ADTRP: variants seen among roughly 807,000 people sequenced by gnomAD.
The protein encoded by ADTRP is androgen dependent TFPI regulating protein.
A neutral mutation model predicts 27.0 loss-of-function variants in ADTRP; 20 were observed. That is an observed-to-expected ratio of 0.74 (90% CI 0.52 to 1.08). The LOEUF is 1.08. Among genes scored for constraint, ADTRP ranks in the 50% least tolerant of loss-of-function variants. ADTRP has a pLI of 0.00. For synonymous variants in ADTRP, 101 were observed against 105.2 expected (o/e 0.96, Z 0.25); for missense variants, 251 against 275.0 (o/e 0.91, Z 0.62).
intron 3 of ADTRP, among the ~76,000 whole-genome samples, chr6:11,742,829 C>A (rs1433193334): frequency 6.6e-6 from 1 of 152,190 alleles, no homozygotes; most frequent in Non-Finnish European, 1.5e-5. Flanking sequence ...TACAGGAACT[C>A]CAGAAGTACC....
rs1280670341 is a variant in ADTRP, at chr6:11,768,318, TC to T, written c.218del (p.Gly73GlufsTer7). ...LDDVLKRTKG[G>X]KDIKFLTAFR... ...AGGCAGTTAGGAACTTAATGTCTTT[TC>T]CCCCTTTGGTTCTTTTCAGCACATC... On this transcript the variant is annotated frameshift_variant, in exon 2 of 6. Coordinates refer to ENST00000414691, the MANE Select transcript of ADTRP (RefSeq NM_032744.4). LOFTEE classifies it high-confidence loss of function. The T allele has an allele frequency of 5.6e-6, 9 of 1,614,186 alleles. No individual in the cohort carries two copies. Among genetic ancestry groups the T allele is most frequent in the Non-Finnish European group, 7.6e-6 (9 of 1,180,032 alleles).
chr6:11,720,620 C>T (rs555201060), intron 5 of ADTRP, among the ~76,000 whole-genome samples: 13 of 152,142 alleles, frequency 8.5e-5, no homozygotes, highest in South Asian at 2.1e-4. Context: ...TACAGGCGCC[C>T]GCCACCACAC....
At chr6:11,752,500 A>G (rs780580163) in intron 3 of ADTRP, among the ~76,000 whole-genome samples, 7 of 152,170 alleles carry the variant, frequency 4.6e-5, no homozygotes, top group Non-Finnish European at 1.0e-4. Flanking sequence ...AAGGCTTAGG[A>G]AGCTGTTGAA....
intron 3 of ADTRP, among the ~76,000 whole-genome samples, chr6:11,751,058 C>T (rs1200082943): frequency 2.6e-5 from 4 of 152,152 alleles, no homozygotes; most frequent in Non-Finnish European, 5.9e-5. Flanking sequence ...GCCATGTTGC[C>T]CAGGCTGGTC....
rs1284021096 is a variant in ADTRP, at chr6:11,742,595, A to G, written c.391-6912T>C. Among the ~76,000 whole-genome samples, 5 of 152,174 alleles carry G rather than the reference A, an allele frequency of 3.3e-5. No homozygotes were observed. The South Asian group carries it at 8.3e-4, about 25-fold the overall frequency. ...TCAGAGAAATTAAAGTTTTCCCCCT[A>G]GGCATTAGGCCTGAAAGAAATTACT... On this transcript the variant is annotated intron_variant, in intron 3 of 5. Transcript: ENST00000414691.
chr6:11,724,347 A>C (rs1762120949), intron 4 of ADTRP, among the ~76,000 whole-genome samples: 1 of 152,178 alleles, frequency 6.6e-6, no homozygotes, highest in African/African-American at 2.4e-5. Context: ...CTAGGATTTA[A>C]CTGTCGGCCC....
chr6:11,723,316 G>A (rs56251908), intron 5 of ADTRP, 33 bp downstream of exon 5: 19,047 of 1,609,150 alleles, frequency 0.012, 172 homozygotes, highest in Non-Finnish European at 0.013. Context: ...CACGGAAGAA[G>A]CGCATCTGTA....
At chr6:11,776,324 A>G (rs1181612784) in intron 1 of ADTRP, among the ~76,000 whole-genome samples, 1 of 152,200 alleles carries the variant, frequency 6.6e-6, no homozygotes, top group African/African-American at 2.4e-5. Flanking sequence ...ACGTCAACGT[A>G]CCAAGTCGCA....
At chr6:11,719,378 G>T (rs570706795) in intron 5 of ADTRP, among the ~76,000 whole-genome samples, 1 of 152,314 alleles carries the variant, frequency 6.6e-6, no homozygotes, top group South Asian at 2.1e-4. Context: ...GCGTTGCTCT[G>T]TAACAGCGGT....
intron 3 of ADTRP, among the ~76,000 whole-genome samples, chr6:11,752,632 A>T (rs1372691047): frequency 1.3e-5 from 2 of 152,206 alleles, no homozygotes; most frequent in African/African-American, 2.4e-5. Flanking sequence ...GATCTCAGCT[A>T]CTCGCAGGAT....
rs1581333199 is a variant in ADTRP, at chr6:11,739,543, T to C, written c.391-3860A>G. 4.0e-5 allele frequency among the ~76,000 whole-genome samples: 6 copies of C among 151,766 alleles called. No individual in the cohort carries two copies. The South Asian group carries it at 1.3e-3, about 32-fold the overall frequency. On this transcript the variant is annotated intron_variant, in intron 3 of 5. Coordinates refer to ENST00000414691, the MANE Select transcript of ADTRP (RefSeq NM_032744.4). The stretch of plus-strand genomic sequence containing the variant: ...AGTATTGATTTAAGTATTAGTGTAA[T>C]AATCACAGTAGATTCTCTGCTTACA...
intron 4 of ADTRP, among the ~76,000 whole-genome samples, chr6:11,730,007 T>A (rs1762334585): frequency 6.6e-6 from 1 of 152,230 alleles, no homozygotes; most frequent in Non-Finnish European, 1.5e-5. Flanking sequence ...CATTTCTGAT[T>A]CTACAGTTTT....
intron 4 of ADTRP, among the ~76,000 whole-genome samples, chr6:11,731,754 TTG>T (rs1159913445): frequency 7.5e-6 from 1 of 132,728 alleles, no homozygotes; most frequent in Non-Finnish European, 1.8e-5. Flanking sequence ...CTGTGGCTCC[TTG>T]TGTTTTTTTT....
intron 5 of ADTRP, among the ~76,000 whole-genome samples, chr6:11,719,543 C>G (rs1761944411): frequency 6.6e-6 from 1 of 152,086 alleles, no homozygotes; most frequent in Non-Finnish European, 1.5e-5. Context: ...TGTAAAAAGC[C>G]AAGGTGGAGA....
intron 3 of ADTRP, among the ~76,000 whole-genome samples, chr6:11,751,272 A>G (rs1348829587): frequency 6.6e-6 from 1 of 152,200 alleles, no homozygotes; most frequent in Non-Finnish European, 1.5e-5. Context: ...CCTTTTCACT[A>G]TGTTGTCTCC....
Position 11,765,319 on chromosome 6 carries a change from G to GTTTTTTTTT in ADTRP, c.390+954_390+955insAAAAAAAAA, listed in dbSNP as rs770169717. ...GCCACTTCCTTGTGCCTTTCCCCTGGTTTGTTTTTTTTTTTTTTTTTTTTT... is the reference window on the plus strand; with the variant it reads ...GCCACTTCCTTGTGCCTTTCCCCTGGTTTTTTTTTTTTGTTTTTTTTTTTTTTTTTTTTT... On this transcript the variant is annotated intron_variant, in intron 3 of 5. Coordinates refer to ENST00000414691, the MANE Select transcript of ADTRP (RefSeq NM_032744.4). Among the ~76,000 whole-genome samples the GTTTTTTTTT allele has an allele frequency of 6.2e-5, 7 of 112,552 alleles. 1 individual carries two copies. Among genetic ancestry groups the GTTTTTTTTT allele is most frequent in the Admixed American group, 1.1e-4 (1 of 9,316 alleles). The allele number at this position is 112,552 out of a possible 152,430, so 73.8% of individuals were successfully genotyped here.
intron 4 of ADTRP, among the ~76,000 whole-genome samples, chr6:11,724,091 A>T (rs1762110945): frequency 6.6e-6 from 1 of 151,948 alleles, no homozygotes; most frequent in African/African-American, 2.4e-5. Flanking sequence ...ACAAACAAAC[A>T]TAGAACCATC....
At position 11,770,074 on chromosome 6, in the gene ADTRP, C is replaced by T. The variant is rs1173320587; in HGVS notation, c.154-1691G>A. ...CTGGTAGATGTCAAACCCAGCAGTC[C>T]TGTTCTTGAGCTAGACTTCGAAAAA... is the stretch of plus-strand genomic sequence containing the variant. On this transcript the variant is annotated intron_variant, in intron 1 of 5. Coordinates refer to ENST00000414691, the MANE Select transcript of ADTRP (RefSeq NM_032744.4). 3.7e-5 allele frequency: 58 copies of T among 1,551,322 alleles called. No homozygotes were observed. Among genetic ancestry groups the T allele is most frequent in the Non-Finnish European group, 5.0e-5 (57 of 1,146,980 alleles).
intron 3 of ADTRP, among the ~76,000 whole-genome samples, chr6:11,739,450 C>T (rs1178274614): frequency 6.6e-6 from 1 of 152,182 alleles, no homozygotes; most frequent in Non-Finnish European, 1.5e-5. Flanking sequence ...ATTATACCTT[C>T]CCCCCACCAT....
Sources: allele counts gnomAD v4.1 joint callset (sites outside exome capture counted in the v4.1 genomes callset), GRCh38; gene constraint gnomAD v4.1.1; transcripts MANE v1.5; gene names NCBI Gene and HGNC (gene_info 2026-07-23, HGNC 2026-07-21).